The following LOC128462377 variants were observed in gnomAD, a reference collection of about 807,000 sequenced individuals.
At chr16:89,415,844 A>AAC in the LOC128462377 span, among the ~76,000 whole-genome samples, 2 of 145,928 alleles carry the variant, frequency 1.4e-5, no homozygotes, top group African/African-American at 5.1e-5. Flanking sequence ...AAAAAAAAAA[A>AAC]AAAAAACAAT....
chr16:89,380,459 C>T, the LOC128462377 span, among the ~76,000 whole-genome samples: 20 of 152,284 alleles, frequency 1.3e-4, no homozygotes, highest in African/African-American at 4.8e-4. Context: ...TTAGAGCTCC[C>T]TGAGCCTTCA....
chr16:89,351,321 T>TG, the LOC128462377 span, among the ~76,000 whole-genome samples: 6 of 152,122 alleles, frequency 3.9e-5, no homozygotes, highest in African/African-American at 1.2e-4. Context: ...CTGAAGGGGA[T>TG]GGCATCCATG....
the LOC128462377 span, among the ~76,000 whole-genome samples, chr16:89,382,650 T>C: frequency 2.6e-5 from 4 of 151,892 alleles, no homozygotes; most frequent in East Asian, 3.9e-4. Context: ...AAATAAACAA[T>C]TCCCCCCCTC....
the LOC128462377 span, among the ~76,000 whole-genome samples, chr16:89,390,973 A>G: frequency 6.6e-6 from 1 of 152,182 alleles, no homozygotes; most frequent in African/African-American, 2.4e-5. Flanking sequence ...TCACGCCTGT[A>G]ATCACAGCAT....
the LOC128462377 span, among the ~76,000 whole-genome samples, chr16:89,369,684 G>A: frequency 3.9e-5 from 6 of 152,334 alleles, no homozygotes; most frequent in South Asian, 2.1e-4. Context: ...GGTCCCGACT[G>A]TGGGACACAG....
the LOC128462377 span, among the ~76,000 whole-genome samples, chr16:89,384,879 C>CTTTTTTTTTTTTTTTTTAT: frequency 2.0e-5 from 1 of 49,910 alleles, no homozygotes. Context: ...AAATAGTTTT[C>CTTTTTTTTTTTTTTTTTAT]TTTTTTTTTT....
the LOC128462377 span, among the ~76,000 whole-genome samples, chr16:89,369,497 T>A: frequency 6.6e-6 from 1 of 152,192 alleles, no homozygotes; most frequent in African/African-American, 2.4e-5. Context: ...CTCTGCCGTA[T>A]CAGACACAAA....
At chr16:89,370,991 T>C in the LOC128462377 span, among the ~76,000 whole-genome samples, 1 of 152,150 alleles carries the variant, frequency 6.6e-6, no homozygotes, top group East Asian at 1.9e-4. Flanking sequence ...CGTCCCTTGC[T>C]TGAGCTCTCC....
At chr16:89,349,909 CACATAT>C in the LOC128462377 span, among the ~76,000 whole-genome samples, 4 of 100,372 alleles carry the variant, frequency 4.0e-5, no homozygotes, top group Admixed American at 1.9e-4. Context: ...CACACACACA[CACATAT>C]TCAAACAACA....
At chr16:89,407,943 A>G in the LOC128462377 span, among the ~76,000 whole-genome samples, 1 of 152,104 alleles carries the variant, frequency 6.6e-6, no homozygotes, top group Non-Finnish European at 1.5e-5. Context: ...TCAAAAAGCC[A>G]AACTGATAAG....
chr16:89,347,385 G>C, the LOC128462377 span, among the ~76,000 whole-genome samples: 1 of 152,098 alleles, frequency 6.6e-6, no homozygotes, highest in African/African-American at 2.4e-5. Flanking sequence ...CAAGATAGGC[G>C]GATCACGAGG....
At chr16:89,399,289 C>T in the LOC128462377 span, among the ~76,000 whole-genome samples, 1 of 152,160 alleles carries the variant, frequency 6.6e-6, no homozygotes, top group Non-Finnish European at 1.5e-5. Context: ...TGACCCAAGA[C>T]ACTCATAGGT....
chr16:89,343,979 C>G, the LOC128462377 span, among the ~76,000 whole-genome samples: 1 of 152,228 alleles, frequency 6.6e-6, no homozygotes, highest in Non-Finnish European at 1.5e-5. Context: ...CTCTGACCGA[C>G]TGAACCCAGG....
At chr16:89,374,360 AT>A in the LOC128462377 span, among the ~76,000 whole-genome samples, 10 of 151,664 alleles carry the variant, frequency 6.6e-5, no homozygotes, top group Non-Finnish European at 1.5e-4. Flanking sequence ...AATAATAATA[AT>A]CACACTCACC....
the LOC128462377 span, among the ~76,000 whole-genome samples, chr16:89,396,865 T>C: frequency 2.6e-5 from 4 of 152,142 alleles, no homozygotes; most frequent in East Asian, 7.7e-4. Context: ...TTTTATATTT[T>C]TAGTAAAGAC....
the LOC128462377 span, among the ~76,000 whole-genome samples, chr16:89,350,037 C>T: frequency 6.6e-6 from 1 of 152,266 alleles, no homozygotes; most frequent in East Asian, 1.9e-4. Context: ...AAGACACATG[C>T]TTCACCAAAG....
the LOC128462377 span, among the ~76,000 whole-genome samples, chr16:89,345,359 C>T: frequency 2.6e-5 from 4 of 151,928 alleles, no homozygotes; most frequent in Non-Finnish European, 4.4e-5. Context: ...CACCTGGTGC[C>T]CCATCTGGGG....
chr16:89,349,856 G>T, the LOC128462377 span, among the ~76,000 whole-genome samples: 2 of 130,444 alleles, frequency 1.5e-5, no homozygotes, highest in East Asian at 2.3e-4. Context: ...CCAAATACTT[G>T]TTAAAACACA....
chr16:89,346,488 C>G, the LOC128462377 span, among the ~76,000 whole-genome samples: 1 of 152,166 alleles, frequency 6.6e-6, no homozygotes, highest in Non-Finnish European at 1.5e-5. Flanking sequence ...CAGGGAACAA[C>G]AGTCATCCAA....
Sources: allele counts gnomAD v4.1 joint callset (sites outside exome capture counted in the v4.1 genomes callset), GRCh38; gene constraint gnomAD v4.1.1; transcripts MANE v1.5.